The following RARB variants were observed in gnomAD, a reference collection of about 807,000 sequenced individuals.
The protein encoded by RARB is HBV-activated protein.
A neutral mutation model predicts 51.9 loss-of-function variants in RARB; 17 were observed. The ratio of observed to expected loss-of-function variants is 0.33; its 90% CI spans 0.22 to 0.49. The LOEUF (loss-of-function observed/expected upper bound fraction) is 0.49, where lower values mean the gene tolerates loss of function less well. RARB is among the 20% of genes least tolerant of loss of function. The probability of loss-of-function intolerance (pLI) is 0.99; values close to 1 mark genes in which losing one functional copy is unlikely to be tolerated. For synonymous variants in RARB, 215 were observed against 195.4 expected (o/e 1.10, Z -0.84); for missense variants, 369 against 550.8 (o/e 0.67, Z 3.30).
At chr3:25,579,973 C>T (rs1447846771) in intron 4 of RARB, among the ~76,000 whole-genome samples, 3 of 152,180 alleles carry the variant, frequency 2.0e-5, no homozygotes, top group Non-Finnish European at 4.4e-5. Context: ...AATGGTGACT[C>T]CTCATTCCTT....
chr3:24,841,248 A>G (rs1702418047), intron 1 of RARB, among the ~76,000 whole-genome samples: 1 of 152,244 alleles, frequency 6.6e-6, no homozygotes, highest in South Asian at 2.1e-4. Flanking sequence ...AAAATATTAC[A>G]TAAGATTTCA....
chr3:25,488,999 G>A (rs979144485), intron 2 of RARB, among the ~76,000 whole-genome samples: 3 of 152,214 alleles, frequency 2.0e-5, no homozygotes, highest in African/African-American at 7.2e-5. Context: ...GAAAAGCAGA[G>A]AGGTAACACT....
intron 2 of RARB, among the ~76,000 whole-genome samples, chr3:24,991,580 G>A (rs1381461063): frequency 6.6e-6 from 1 of 151,848 alleles, no homozygotes; most frequent in Non-Finnish European, 1.5e-5. Flanking sequence ...TGATCTTTCG[G>A]CATCCTTGTA....
intron 3 of RARB, among the ~76,000 whole-genome samples, chr3:25,548,476 G>A (rs1699711548): frequency 6.6e-6 from 1 of 152,042 alleles, no homozygotes; most frequent in East Asian, 1.9e-4. Context: ...AGGAGGACCA[G>A]CATTCAGATT....
intron 3 of RARB, among the ~76,000 whole-genome samples, chr3:25,101,310 C>A (rs546238137): frequency 3.3e-5 from 5 of 151,898 alleles, no homozygotes; most frequent in African/African-American, 9.7e-5. Flanking sequence ...AAAACATGCA[C>A]GTGGAAAAGA....
chr3:24,962,557 G>A (rs1037931444), intron 2 of RARB, among the ~76,000 whole-genome samples: 1 of 152,196 alleles, frequency 6.6e-6, no homozygotes, highest in Non-Finnish European at 1.5e-5. Context: ...CGCACAGCAG[G>A]AGTTAAGCAG....
At chr3:25,521,481 G>C (rs1698398216) in intron 3 of RARB, among the ~76,000 whole-genome samples, 1 of 152,158 alleles carries the variant, frequency 6.6e-6, no homozygotes, top group African/African-American at 2.4e-5. Flanking sequence ...ACAGCTTCTA[G>C]GATATTCTGG....
At chr3:25,018,734 C>T (rs778642686) in intron 2 of RARB, among the ~76,000 whole-genome samples, 1 of 152,160 alleles carries the variant, frequency 6.6e-6, no homozygotes, top group Non-Finnish European at 1.5e-5. Context: ...GTCACCTGGG[C>T]AACTATCCTT....
chr3:25,462,163 A>C (rs1168001635), intron 2 of RARB: 1 of 152,166 alleles, frequency 6.6e-6, no homozygotes, highest in Non-Finnish European at 1.5e-5. Context: ...AATTCAGGGG[A>C]GCTGGATTTA....
At chr3:25,253,762 G>A (rs970534155) in intron 5 of RARB, among the ~76,000 whole-genome samples, 1 of 152,204 alleles carries the variant, frequency 6.6e-6, no homozygotes, top group South Asian at 2.1e-4. Context: ...TGTCAATAAG[G>A]CTATAAAGGT....
At chr3:25,162,109 A>G (rs1350649422) in intron 4 of RARB, among the ~76,000 whole-genome samples, 1 of 151,868 alleles carries the variant, frequency 6.6e-6, no homozygotes, top group East Asian at 1.9e-4. Context: ...TTTCTTTTTT[A>G]AGTTTATTTT....
chr3:25,259,837 G>A (rs1200689975), intron 5 of RARB: 1 of 872,216 alleles, frequency 1.1e-6, no homozygotes, highest in Admixed American at 6.2e-5. Flanking sequence ...AGAGCTCTTG[G>A]TATCTGTCAT....
At chr3:25,396,629 AG>A (rs900604303) in intron 5 of RARB, among the ~76,000 whole-genome samples, 2 of 152,122 alleles carry the variant, frequency 1.3e-5, no homozygotes, top group African/African-American at 4.8e-5. Context: ...TTCAGCTACC[AG>A]GGCAGGTAGA....
intron 3 of RARB, among the ~76,000 whole-genome samples, chr3:25,568,159 T>C (rs969889480): frequency 2.6e-4 from 40 of 152,302 alleles, no homozygotes; most frequent in African/African-American, 8.7e-4. Context: ...TCTGAGCCAA[T>C]GAGCAGTGTC....
intron 5 of RARB, among the ~76,000 whole-genome samples, chr3:25,261,257 T>C (rs1702990349): frequency 6.6e-6 from 1 of 152,128 alleles, no homozygotes; most frequent in Non-Finnish European, 1.5e-5. Context: ...CATCATCTAA[T>C]TATTCTCTTT....
chr3:25,500,262 G>A (rs1362182576), intron 2 of RARB, among the ~76,000 whole-genome samples: 3 of 151,872 alleles, frequency 2.0e-5, no homozygotes, highest in African/African-American at 7.3e-5. Flanking sequence ...CTACCATGTT[G>A]GACGACATAG....
At chr3:25,595,901 T>C (rs763103374) in intron 7 of RARB, among the ~76,000 whole-genome samples, 1 of 152,186 alleles carries the variant, frequency 6.6e-6, no homozygotes, top group Non-Finnish European at 1.5e-5. Context: ...TCTTTGTAAA[T>C]TGTTATTTCC....
At chr3:25,155,994 A>G (rs1488431732) in intron 4 of RARB, among the ~76,000 whole-genome samples, 1 of 152,066 alleles carries the variant, frequency 6.6e-6, no homozygotes, top group Non-Finnish European at 1.5e-5. Context: ...TCATTTGTTT[A>G]TTGGTGAGTC....
intron 5 of RARB, among the ~76,000 whole-genome samples, chr3:25,358,479 T>C (rs943979258): frequency 6.6e-6 from 1 of 152,182 alleles, no homozygotes; most frequent in African/African-American, 2.4e-5. Context: ...TATTTCTTTC[T>C]CTTGCCTGAT....
Sources: allele counts gnomAD v4.1 joint callset (sites outside exome capture counted in the v4.1 genomes callset), GRCh38; gene constraint gnomAD v4.1.1; transcripts MANE v1.5; gene names NCBI Gene and HGNC (gene_info 2026-07-23, HGNC 2026-07-21).